Variants in GPC6 observed in about 807,000 individuals in gnomAD.
The protein encoded by GPC6 is glypican 6, also known as glypican-6.
A neutral mutation model predicts 55.2 loss-of-function variants in GPC6; 14 were observed. The observed-to-expected ratio is 0.25, with a 90% confidence interval of 0.17 to 0.40. The LOEUF (loss-of-function observed/expected upper bound fraction) is 0.40, where lower values mean the gene tolerates loss of function less well. Among genes scored for constraint, GPC6 ranks in the 10% least tolerant of loss-of-function variants. The pLI is 1.00. For missense variants in GPC6, 641 were observed against 708.5 expected, an observed-to-expected ratio of 0.90 and a Z score of 1.08; for synonymous variants, 278 against 259.6, an observed-to-expected ratio of 1.07 and a Z score of -0.68.
intron 2 of GPC6, among the ~76,000 whole-genome samples, chr13:93,685,555 T>C (rs530319608): frequency 1.2e-4 from 19 of 152,306 alleles, no homozygotes; most frequent in East Asian, 3.9e-4. Context: ...ATGAAACACC[T>C]CATTTAACAT....
intron 2 of GPC6, among the ~76,000 whole-genome samples, chr13:93,749,431 T>A (rs892939540): frequency 5.9e-5 from 9 of 152,008 alleles, no homozygotes; most frequent in African/African-American, 1.9e-4. Flanking sequence ...TTTCCTTGAC[T>A]ATTACTTGAT....
chr13:93,489,837 GA>G (rs1879890432), intron 1 of GPC6, among the ~76,000 whole-genome samples: 3 of 118,804 alleles, frequency 2.5e-5, no homozygotes. Context: ...GACTTTGCTG[GA>G]GTTGCTTATC....
At chr13:93,257,481 T>G (rs1876994870) in intron 1 of GPC6, among the ~76,000 whole-genome samples, 1 of 152,182 alleles carries the variant, frequency 6.6e-6, no homozygotes, top group Admixed American at 6.5e-5. Context: ...AGAATCAAGG[T>G]AAACTATGGA....
At chr13:93,373,090 A>G (rs914897110) in intron 1 of GPC6, among the ~76,000 whole-genome samples, 5 of 152,196 alleles carry the variant, frequency 3.3e-5, no homozygotes, top group African/African-American at 1.2e-4. Context: ...TAATAGTACA[A>G]AAGTGACATT....
At chr13:93,769,161 A>G (rs1017642074) in intron 2 of GPC6, among the ~76,000 whole-genome samples, 6 of 152,142 alleles carry the variant, frequency 3.9e-5, no homozygotes, top group African/African-American at 1.2e-4. Flanking sequence ...TCCCAAATGC[A>G]TGCCCTTTTG....
chr13:93,651,867 C>T (rs997106788), intron 2 of GPC6, among the ~76,000 whole-genome samples: 2 of 152,134 alleles, frequency 1.3e-5, no homozygotes, highest in African/African-American at 2.4e-5. Context: ...GTCCATATTC[C>T]ACTCCAGACC....
chr13:93,870,952 T>A (rs929713674), intron 3 of GPC6, among the ~76,000 whole-genome samples: 1 of 151,890 alleles, frequency 6.6e-6, no homozygotes, highest in Non-Finnish European at 1.5e-5. Flanking sequence ...TACTTTGATA[T>A]TTTAAAATCT....
At chr13:93,722,702 A>G (rs1883493056) in intron 2 of GPC6, among the ~76,000 whole-genome samples, 1 of 151,910 alleles carries the variant, frequency 6.6e-6, no homozygotes, top group Non-Finnish European at 1.5e-5. Context: ...TTATTCTTTC[A>G]TGGTTCTTAT....
intron 3 of GPC6, among the ~76,000 whole-genome samples, chr13:93,835,621 A>C (rs1238755635): frequency 6.6e-6 from 1 of 152,124 alleles, no homozygotes; most frequent in Admixed American, 6.6e-5. Flanking sequence ...GTGTGGTGGC[A>C]CATGCCTGTA....
chr13:93,771,976 C>G (rs1411877775), intron 2 of GPC6, among the ~76,000 whole-genome samples: 2 of 152,130 alleles, frequency 1.3e-5, no homozygotes, highest in African/African-American at 4.8e-5. Flanking sequence ...TTGCCAAAAC[C>G]ACAGTTCTGC....
intron 4 of GPC6, among the ~76,000 whole-genome samples, chr13:94,082,648 G>A (rs1294582247): frequency 1.3e-5 from 2 of 152,100 alleles, no homozygotes; most frequent in South Asian, 2.1e-4. Context: ...CCCCTCTTCT[G>A]CCCTACTACA....
intron 3 of GPC6, among the ~76,000 whole-genome samples, chr13:94,000,538 G>A (rs1158070473): frequency 6.6e-6 from 1 of 152,124 alleles, no homozygotes; most frequent in Non-Finnish European, 1.5e-5. Context: ...TAGCAATGAA[G>A]TGTCTCTTCA....
At chr13:94,183,463 G>T (rs577257225) in intron 4 of GPC6, among the ~76,000 whole-genome samples, 2 of 152,180 alleles carry the variant, frequency 1.3e-5, no homozygotes, top group East Asian at 3.9e-4. Context: ...TAATTCATCT[G>T]TTCATGAAGC....
At position 94,020,236 on chromosome 13, in the gene GPC6, C is replaced by T. The variant is rs191803919; in HGVS notation, c.712-7493C>T. 3.6e-4 allele frequency among the ~76,000 whole-genome samples: 55 copies of T among 152,234 alleles called. 1 individual carries two copies. The highest frequency in any genetic ancestry group is 1.3e-3 in the African/African-American group (54 of 41,542). ...TTTTCCCTAGTGATTTATTCCTTAACCCATTGTTTGTATGAAACGTATGTG... is the reference window on the plus strand; with the variant it reads ...TTTTCCCTAGTGATTTATTCCTTAATCCATTGTTTGTATGAAACGTATGTG... On this transcript the variant is annotated intron_variant, in intron 3 of 8. Transcript: ENST00000377047.
chr13:93,922,600 C>A (rs74109124), intron 3 of GPC6, among the ~76,000 whole-genome samples: 4,802 of 152,198 alleles, frequency 0.032, 81 homozygotes, highest in Middle Eastern at 0.058. Context: ...CTCTTCCCCC[C>A]AGCTATGCCA....
intron 3 of GPC6, among the ~76,000 whole-genome samples, chr13:93,980,807 C>T (rs1334027944): frequency 6.6e-6 from 1 of 152,088 alleles, no homozygotes; most frequent in Non-Finnish European, 1.5e-5. Flanking sequence ...TGCTCTGGAG[C>T]TCCTCTTTAT....
chr13:93,700,237 A>G (rs538332807), intron 2 of GPC6, among the ~76,000 whole-genome samples: 5 of 152,222 alleles, frequency 3.3e-5, no homozygotes, highest in African/African-American at 1.2e-4. Flanking sequence ...ACTGGTCAGT[A>G]CATTATTTTA....
intron 6 of GPC6, among the ~76,000 whole-genome samples, chr13:94,363,731 G>C (rs1594207636): frequency 6.6e-6 from 1 of 152,164 alleles, no homozygotes; most frequent in Non-Finnish European, 1.5e-5. Flanking sequence ...GGGATGTGCT[G>C]TAGACAGAAC....
At chr13:93,766,923 A>G (rs1416936793) in intron 2 of GPC6, among the ~76,000 whole-genome samples, 4 of 152,124 alleles carry the variant, frequency 2.6e-5, no homozygotes, top group Non-Finnish European at 4.4e-5. Flanking sequence ...ATTTTAGCTG[A>G]GTGGACATTC....
Sources: gnomAD v4.1 joint callset for allele counts (sites outside exome capture counted in the v4.1 genomes callset) on GRCh38, gnomAD v4.1.1 for gene constraint, MANE v1.5 for transcripts, NCBI Gene and HGNC (gene_info 2026-07-23, HGNC 2026-07-21) for gene names.